Variants in CA10 observed in about 807,000 individuals in gnomAD.
CA10 encodes the protein carbonic anhydrase-related protein 10.
CA10 carries 14 observed loss-of-function variants against 44.2 expected under a neutral mutation model. That is an observed-to-expected ratio of 0.32 (90% CI 0.21 to 0.50). The LOEUF is 0.50. CA10 is among the 20% of genes least tolerant of loss of function. The pLI is 0.99. For missense variants in CA10, 350 were observed against 409.7 expected (o/e 0.85, Z 1.26); for synonymous variants, 159 against 141.6 (o/e 1.12, Z -0.87).
chr17:52,142,431 G>T (rs1026126682), intron 1 of CA10, among the ~76,000 whole-genome samples: 1 of 152,120 alleles, frequency 6.6e-6, no homozygotes, highest in Non-Finnish European at 1.5e-5. Context: ...CCATTATTAT[G>T]TGCCTGATAA....
intron 3 of CA10, among the ~76,000 whole-genome samples, chr17:51,927,389 T>C (rs965042755): frequency 6.6e-5 from 10 of 152,184 alleles, no homozygotes; most frequent in Admixed American, 2.0e-4. Context: ...AGTTTTAATA[T>C]GTTTTTTCTC....
chr17:51,760,918 T>C (rs1905199271), intron 3 of CA10, among the ~76,000 whole-genome samples: 1 of 152,254 alleles, frequency 6.6e-6, no homozygotes, highest in Non-Finnish European at 1.5e-5. Flanking sequence ...ATGAGGTGTT[T>C]TATATTCATT....
chr17:51,912,286 T>C (rs530067845), intron 3 of CA10, among the ~76,000 whole-genome samples: 168 of 152,274 alleles, frequency 1.1e-3, no homozygotes, highest in African/African-American at 3.8e-3. Context: ...AATGGGAGCA[T>C]TCCAATAAGC....
At chr17:51,717,831 A>ATATATATACGTG (rs1916206767) in intron 4 of CA10, among the ~76,000 whole-genome samples, 1 of 47,266 alleles carries the variant, frequency 2.1e-5, no homozygotes, top group Non-Finnish European at 3.6e-5. Context: ...ATGTGTGTGT[A>ATATATATACGTG]TATATATATA....
At chr17:51,883,765 C>T (rs554799458) in intron 3 of CA10, among the ~76,000 whole-genome samples, 84 of 152,258 alleles carry the variant, frequency 5.5e-4, no homozygotes, top group African/African-American at 2.0e-3. Flanking sequence ...AACATGATTT[C>T]ATTAGCCATG....
intron 3 of CA10, among the ~76,000 whole-genome samples, chr17:51,890,931 T>C (rs1033451222): frequency 6.6e-6 from 1 of 152,038 alleles, no homozygotes; most frequent in Non-Finnish European, 1.5e-5. Context: ...GGAAAGAGTC[T>C]TATGAACCAA....
chr17:51,833,137 A>G (rs1354701760), intron 3 of CA10, among the ~76,000 whole-genome samples: 2 of 150,114 alleles, frequency 1.3e-5, no homozygotes, highest in Non-Finnish European at 3.0e-5. Context: ...CTCTTCCCTT[A>G]GTGCCTCTGC....
At chr17:51,671,659 C>T (rs1567797288) in intron 4 of CA10, among the ~76,000 whole-genome samples, 1 of 152,148 alleles carries the variant, frequency 6.6e-6, no homozygotes, top group Non-Finnish European at 1.5e-5. Context: ...CTGCCTCGGC[C>T]TCCAAAAGTG....
chr17:51,855,719 A>G (rs1979010086), intron 3 of CA10, among the ~76,000 whole-genome samples: 1 of 152,224 alleles, frequency 6.6e-6, no homozygotes, highest in African/African-American at 2.4e-5. Flanking sequence ...GCAGAGTTTA[A>G]TAACGTTGAA....
chr17:51,960,490 T>G (rs1341124070), intron 2 of CA10, among the ~76,000 whole-genome samples: 2 of 151,910 alleles, frequency 1.3e-5, no homozygotes, highest in African/African-American at 4.8e-5. Flanking sequence ...GAAAAAATAT[T>G]GAAAACAACA....
At chr17:51,912,193 C>T (rs1411549171) in intron 3 of CA10, among the ~76,000 whole-genome samples, 1 of 152,088 alleles carries the variant, frequency 6.6e-6, no homozygotes, top group Non-Finnish European at 1.5e-5. Flanking sequence ...CATGAGTAGC[C>T]TCTACTGACA....
chr17:51,872,232 T>C (rs751620549), intron 3 of CA10, among the ~76,000 whole-genome samples: 1 of 152,208 alleles, frequency 6.6e-6, no homozygotes, highest in Non-Finnish European at 1.5e-5. Flanking sequence ...GCACAAAGAA[T>C]AGGGTTTATT....
At chr17:51,631,647 C>T (rs766170490) in intron 8 of CA10, 41 bp from the exon 9 acceptor site, 1 of 1,553,234 alleles carries the variant, frequency 6.4e-7, no homozygotes, top group Non-Finnish European at 8.9e-7. Context: ...ACACATACAA[C>T]ATAAAACGAG....
At chr17:52,150,813 A>G (rs1989687603) in intron 1 of CA10, among the ~76,000 whole-genome samples, 1 of 152,174 alleles carries the variant, frequency 6.6e-6, no homozygotes, top group Non-Finnish European at 1.5e-5. Context: ...ATCTAATGCT[A>G]AAGACATTGT....
chr17:52,091,153 G>A (rs914150899), intron 1 of CA10, among the ~76,000 whole-genome samples: 1 of 152,040 alleles, frequency 6.6e-6, no homozygotes, highest in Non-Finnish European at 1.5e-5. Context: ...CTAATTTTGA[G>A]AAGGAAAAAA....
intron 3 of CA10, among the ~76,000 whole-genome samples, chr17:51,766,607 G>A (rs1024752929): frequency 6.6e-5 from 10 of 152,124 alleles, no homozygotes; most frequent in Admixed American, 6.5e-4. Context: ...GCAGGGAAGT[G>A]GGGAGATAAA....
chr17:51,750,242 A>G (rs112208973), intron 3 of CA10, among the ~76,000 whole-genome samples: 88 of 152,246 alleles, frequency 5.8e-4, no homozygotes, highest in African/African-American at 2.0e-3. Flanking sequence ...ATCACCACTA[A>G]TATTTTGGCA....
intron 4 of CA10, among the ~76,000 whole-genome samples, chr17:51,746,359 T>C (rs1904688738): frequency 2.0e-5 from 3 of 152,226 alleles, no homozygotes; most frequent in Non-Finnish European, 4.4e-5. Flanking sequence ...AAACTGTGCC[T>C]TAGAAGGCTC....
chr17:52,047,818 A>G (rs1476979771), intron 2 of CA10, among the ~76,000 whole-genome samples: 1 of 151,984 alleles, frequency 6.6e-6, no homozygotes, highest in East Asian at 1.9e-4. Flanking sequence ...TTCCCTGATT[A>G]GAAAACTCAG....
Sources: allele counts gnomAD v4.1 joint callset (sites outside exome capture counted in the v4.1 genomes callset), GRCh38; gene constraint gnomAD v4.1.1; transcripts MANE v1.5; gene names NCBI Gene and HGNC (gene_info 2026-07-23, HGNC 2026-07-21).